NME7: variants seen among roughly 807,000 people sequenced by gnomAD.
NME7 encodes nucleoside diphosphate kinase 7.
In NME7, 41 loss-of-function variants were observed where a neutral mutation model predicts 49.1. The observed-to-expected ratio is 0.83, with a 90% confidence interval of 0.65 to 1.08. The LOEUF is 1.08. Ranked by LOEUF, NME7 falls within the 50% of genes least tolerant of loss-of-function variation. NME7 has a pLI of 0.00. For synonymous variants in NME7, 139 were observed against 150.6 expected, an observed-to-expected ratio of 0.92 and a Z score of 0.56; for missense variants, 423 against 463.4, an observed-to-expected ratio of 0.91 and a Z score of 0.80.
intron 4 of NME7, among the ~76,000 whole-genome samples, chr1:169,308,154 T>G (rs951063954): frequency 6.6e-6 from 1 of 152,194 alleles, no homozygotes; most frequent in Non-Finnish European, 1.5e-5. Context: ...GTAAGCCTCC[T>G]GTCTCTCTAG....
intron 9 of NME7, among the ~76,000 whole-genome samples, chr1:169,232,681 A>G (rs915359216): frequency 3.3e-5 from 5 of 151,892 alleles, no homozygotes; most frequent in African/African-American, 1.2e-4. Context: ...TCAAAAATGA[A>G]GAAAAAAGGA....
rs570507706 is a variant in NME7, at chr1:169,226,529, T to G, written c.990+4189A>C. On this transcript the variant is annotated intron_variant, in intron 10 of 11. Transcript: ENST00000367811. ...AGCTTGATTGTAACTACTATAGTATTTCTTCTGATTTGAAAACCCCCATCA... is the reference window on the plus strand; with the variant it reads ...AGCTTGATTGTAACTACTATAGTATGTCTTCTGATTTGAAAACCCCCATCA... 2.6e-4 allele frequency among the ~76,000 whole-genome samples: 40 copies of G among 152,270 alleles called. 1 individual carries two copies. Among genetic ancestry groups the G allele is most frequent in the African/African-American group, 9.4e-4 (39 of 41,548 alleles).
intron 7 of NME7, among the ~76,000 whole-genome samples, chr1:169,257,250 G>A (rs963756083): frequency 1.5e-5 from 2 of 134,778 alleles, no homozygotes; most frequent in East Asian, 2.0e-4. Context: ...AGCCAGGTGC[G>A]GGATATAATC....
intron 7 of NME7, among the ~76,000 whole-genome samples, chr1:169,274,213 C>T (rs2101877898): frequency 7.5e-6 from 1 of 133,576 alleles, no homozygotes; most frequent in East Asian, 2.0e-4. Flanking sequence ...TCTCTGATGG[C>T]CAGTGATGAT....
At chr1:169,265,823 G>T (rs1649301170) in intron 7 of NME7, among the ~76,000 whole-genome samples, 1 of 132,000 alleles carries the variant, frequency 7.6e-6, no homozygotes, top group South Asian at 2.3e-4. Context: ...AACCATCAGA[G>T]ACTACTATGA....
intron 10 of NME7, among the ~76,000 whole-genome samples, chr1:169,198,200 T>C (rs931623955): frequency 2.0e-5 from 3 of 152,022 alleles, no homozygotes; most frequent in African/African-American, 7.2e-5. Flanking sequence ...AAAGTCATAC[T>C]AACATATACT....
chr1:169,257,066 C>T (rs1440727612), intron 7 of NME7, among the ~76,000 whole-genome samples: 1 of 134,254 alleles, frequency 7.4e-6, no homozygotes, highest in Admixed American at 7.2e-5. Flanking sequence ...GGCAGGCAGG[C>T]CTCCTTGAGC....
intron 10 of NME7, among the ~76,000 whole-genome samples, chr1:169,226,631 T>A (rs998611357): frequency 1.3e-5 from 2 of 152,326 alleles, no homozygotes; most frequent in African/African-American, 4.8e-5. Flanking sequence ...AGACACAAGA[T>A]AATCAGTTCT....
chr1:169,278,381 T>G (rs1028382899), intron 7 of NME7, among the ~76,000 whole-genome samples: 11 of 152,150 alleles, frequency 7.2e-5, no homozygotes, highest in Non-Finnish European at 1.5e-5. Flanking sequence ...AGGCTTTGTT[T>G]GTTTCTTTTT....
intron 7 of NME7, among the ~76,000 whole-genome samples, chr1:169,266,201 A>G (rs1390883014): frequency 1.5e-5 from 2 of 133,196 alleles, no homozygotes; most frequent in Non-Finnish European, 3.5e-5. Flanking sequence ...GTACATCTAT[A>G]TAAAAATTTT....
chr1:169,200,057 C>G (rs889151603), intron 10 of NME7, among the ~76,000 whole-genome samples: 1 of 151,774 alleles, frequency 6.6e-6, no homozygotes, highest in South Asian at 2.1e-4. Context: ...CACCAAGCAC[C>G]CTGCTAGGTT....
At chr1:169,301,315 C>T (rs1829286) in intron 5 of NME7, among the ~76,000 whole-genome samples, 109,390 of 152,042 alleles carry the variant, frequency 0.72, 39,588 homozygotes, top group East Asian at 0.94. Flanking sequence ...AATAAGCATA[C>T]GAAAAAACGC....
chr1:169,293,700 A>C (rs746293455), intron 6 of NME7, among the ~76,000 whole-genome samples: 8 of 152,130 alleles, frequency 5.3e-5, no homozygotes, highest in African/African-American at 9.7e-5. Flanking sequence ...CTGTTTCATA[A>C]GTTTGTTAAA....
chr1:169,209,545 A>G (rs1660758077), intron 10 of NME7, among the ~76,000 whole-genome samples: 1 of 152,032 alleles, frequency 6.6e-6, no homozygotes, highest in South Asian at 2.1e-4. Context: ...AAAACCTTCC[A>G]CTGTTACCAT....
intron 7 of NME7, chr1:169,285,729 T>C (rs952145826): frequency 6.6e-6 from 1 of 152,182 alleles, no homozygotes; most frequent in African/African-American, 2.4e-5. Context: ...GTCTGCCACC[T>C]GGCACATAAT....
intron 10 of NME7, among the ~76,000 whole-genome samples, chr1:169,184,118 T>C (rs566240001): frequency 6.6e-6 from 1 of 152,080 alleles, no homozygotes; most frequent in Non-Finnish European, 1.5e-5. Flanking sequence ...GTGACTATGA[T>C]CTTGAAACAC....
At chr1:169,138,265 T>G (rs1444420759) in intron 11 of NME7, among the ~76,000 whole-genome samples, 1 of 151,868 alleles carries the variant, frequency 6.6e-6, no homozygotes, top group Non-Finnish European at 1.5e-5. Context: ...GAGCTGAGAT[T>G]GTGCCACTGC....
chr1:169,182,204 TAA>T, intron 10 of NME7, among the ~76,000 whole-genome samples: 1 of 147,680 alleles, frequency 6.8e-6, no homozygotes, highest in African/African-American at 2.5e-5. Context: ...TCTGTAGAGA[TAA>T]AGTCTTGCTG....
Position 169,362,198 on chromosome 1 carries a change from A to G in NME7, c.3+5510T>C, listed in dbSNP as rs112931840. Among the ~76,000 whole-genome samples, 1,099 of 152,340 alleles carry G rather than the reference A, an allele frequency of 7.2e-3. 10 individuals are homozygous for G. Among genetic ancestry groups the G allele is most frequent in the African/African-American group, 0.025 (1,056 of 41,574 alleles). On this transcript the variant is annotated intron_variant, in intron 1 of 11. Transcript: ENST00000367811. ...ACTCCAGCCAGGGTGATAGAGTGAGACTGTGTCTCAAAAATAAATAAATAC... is the reference window on the plus strand; with the variant it reads ...ACTCCAGCCAGGGTGATAGAGTGAGGCTGTGTCTCAAAAATAAATAAATAC...
Sources: allele counts gnomAD v4.1 joint callset (sites outside exome capture counted in the v4.1 genomes callset), GRCh38; gene constraint gnomAD v4.1.1; transcripts MANE v1.5; gene names NCBI Gene and HGNC (gene_info 2026-07-23, HGNC 2026-07-21).